The following AKAP6 variants were observed in gnomAD, a reference collection of about 807,000 sequenced individuals.
AKAP6 encodes A-kinase anchor protein 6.
In AKAP6, 58 loss-of-function variants were observed where a neutral mutation model predicts 188.5. That is an observed-to-expected ratio of 0.31 (90% confidence interval 0.25 to 0.38). The LOEUF (loss-of-function observed/expected upper bound fraction) is 0.38, where lower values mean the gene tolerates loss of function less well. Ranked by LOEUF, AKAP6 falls within the 10% of genes least tolerant of loss-of-function variation. The probability of loss-of-function intolerance (pLI) is 1.00; values close to 1 mark genes in which losing one functional copy is unlikely to be tolerated. For missense variants in AKAP6, 2,710 were observed against 2,740.0 expected, an observed-to-expected ratio of 0.99 and a Z score of 0.24; for synonymous variants, 989 against 998.6, an observed-to-expected ratio of 0.99 and a Z score of 0.18.
At chr14:32,717,953 G>C (rs991906341) in intron 9 of AKAP6, among the ~76,000 whole-genome samples, 2 of 152,004 alleles carry the variant, frequency 1.3e-5, no homozygotes, top group African/African-American at 4.8e-5. Flanking sequence ...TCAAGAGTAG[G>C]GTTCTTAAGT....
chr14:32,422,671 G>A (rs951108777), intron 1 of AKAP6, among the ~76,000 whole-genome samples: 4 of 152,146 alleles, frequency 2.6e-5, no homozygotes, highest in African/African-American at 9.7e-5. Flanking sequence ...TGGTCCTTCT[G>A]TCTGGCCAGC....
At chr14:32,443,191 C>G (rs1890639731) in intron 2 of AKAP6, among the ~76,000 whole-genome samples, 1 of 151,994 alleles carries the variant, frequency 6.6e-6, no homozygotes, top group Admixed American at 6.6e-5. Flanking sequence ...GTCAGGAGTT[C>G]AAGACCAGCC....
chr14:32,579,695 T>C (rs1266795385), intron 5 of AKAP6, among the ~76,000 whole-genome samples: 3 of 152,122 alleles, frequency 2.0e-5, no homozygotes, highest in Non-Finnish European at 4.4e-5. Context: ...TCCATATGAG[T>C]CTATATTGTC....
chr14:32,756,330 G>T, intron 11 of AKAP6, among the ~76,000 whole-genome samples: 1 of 152,136 alleles, frequency 6.6e-6, no homozygotes, highest in East Asian at 1.9e-4. Context: ...GGTCTTTGGG[G>T]ATAGGCCTGG....
intron 7 of AKAP6, among the ~76,000 whole-genome samples, chr14:32,661,379 A>G (rs1888692839): frequency 6.6e-6 from 1 of 152,094 alleles, no homozygotes; most frequent in African/African-American, 2.4e-5. Flanking sequence ...AAAGGGAAGG[A>G]GTGACAAAGC....
intron 2 of AKAP6, among the ~76,000 whole-genome samples, chr14:32,517,645 G>C (rs1881591213): frequency 6.6e-6 from 1 of 152,246 alleles, no homozygotes; most frequent in Non-Finnish European, 1.5e-5. Flanking sequence ...CAAGGCTGGG[G>C]GAGGGGCGTC....
intron 2 of AKAP6, among the ~76,000 whole-genome samples, chr14:32,526,387 C>T (rs1277651765): frequency 6.6e-6 from 1 of 152,140 alleles, no homozygotes; most frequent in Non-Finnish European, 1.5e-5. Context: ...CACCTGCCAC[C>T]ATGCCCCACT....
At chr14:32,600,448 C>T (rs1289154490) in intron 6 of AKAP6, among the ~76,000 whole-genome samples, 181 bp from the exon 7 acceptor site, 1 of 152,040 alleles carries the variant, frequency 6.6e-6, no homozygotes, top group East Asian at 1.9e-4. Context: ...TGTCCTTATA[C>T]CTCATGTTAA....
At chr14:32,793,718 T>C (rs1384127240) in intron 12 of AKAP6, among the ~76,000 whole-genome samples, 1 of 150,324 alleles carries the variant, frequency 6.7e-6, no homozygotes, top group Admixed American at 6.6e-5. Context: ...AACAACAGAA[T>C]ATACAGTCTT....
At chr14:32,580,214 CTG>C (rs907889575) in intron 5 of AKAP6, among the ~76,000 whole-genome samples, 23 of 152,106 alleles carry the variant, frequency 1.5e-4, no homozygotes, top group African/African-American at 4.3e-4. Flanking sequence ...GTAAGAAACA[CTG>C]TGAAATTGCA....
At chr14:32,353,965 A>G (rs1156941005) in intron 1 of AKAP6, among the ~76,000 whole-genome samples, 4 of 152,168 alleles carry the variant, frequency 2.6e-5, no homozygotes, top group Non-Finnish European at 4.4e-5. Context: ...AAAAGGATAC[A>G]AACAAATGGA....
chr14:32,348,408 C>CTTTTTTTT (rs1235466012), intron 1 of AKAP6, among the ~76,000 whole-genome samples: 45 of 88,658 alleles, frequency 5.1e-4, no homozygotes, highest in African/African-American at 1.8e-3. Flanking sequence ...TCTTTCTTTT[C>CTTTTTTTT]TTTTGTTTCT....
At chr14:32,564,229 G>T (rs944057704) in intron 4 of AKAP6, among the ~76,000 whole-genome samples, 2 of 152,118 alleles carry the variant, frequency 1.3e-5, no homozygotes, top group Non-Finnish European at 2.9e-5. Flanking sequence ...CCATTTTAAA[G>T]AAAATATTTT....
At chr14:32,636,863 A>T (rs910614050) in intron 7 of AKAP6, among the ~76,000 whole-genome samples, 1 of 152,068 alleles carries the variant, frequency 6.6e-6, no homozygotes, top group African/African-American at 2.4e-5. Flanking sequence ...TTGTGAAGGT[A>T]CTTAAGCAGG....
At chr14:32,556,004 AT>A (rs1883670928) in intron 4 of AKAP6, among the ~76,000 whole-genome samples, 2 of 150,884 alleles carry the variant, frequency 1.3e-5, no homozygotes, top group East Asian at 3.9e-4. Context: ...GATCATGTAT[AT>A]TTTTTGAGGA....
rs897149640 is a variant in AKAP6 at position 32,832,746 on chromosome 14, T to C, written c.*2941T>C. 26 of 152,664 alleles carry C rather than the reference T, an allele frequency of 1.7e-4. No homozygotes were observed. The highest frequency in any genetic ancestry group is 6.3e-4 in the African/African-American group (26 of 41,454). 9.5% of individuals were successfully genotyped at this position (152,664 alleles called of 1,614,324 possible). A position where few individuals can be genotyped will look rare whatever the true frequency, so the allele number is the denominator to read the frequency against. On this transcript the variant is annotated 3_prime_UTR_variant, in exon 14 of 14. Coordinates refer to ENST00000280979, the MANE Select transcript of AKAP6 (RefSeq NM_004274.5). ...AAATCTGCCTAGTACCCCGCTACCC[T>C]GTTCTGTCTTATGGAGCAGCCCAGA...
chr14:32,372,637 C>T (rs1378770922), intron 1 of AKAP6, among the ~76,000 whole-genome samples: 1 of 151,010 alleles, frequency 6.6e-6, no homozygotes, highest in African/African-American at 2.4e-5. Flanking sequence ...TGGAATCAAG[C>T]ATTAAATTAT....
chr14:32,528,503 C>G (rs989046912), intron 2 of AKAP6, among the ~76,000 whole-genome samples: 2 of 152,130 alleles, frequency 1.3e-5, no homozygotes, highest in African/African-American at 2.4e-5. Context: ...GGGGGCCTAC[C>G]TCTAGGCTGT....
At chr14:32,704,539 T>C (rs1305735573) in intron 9 of AKAP6, among the ~76,000 whole-genome samples, 1 of 152,162 alleles carries the variant, frequency 6.6e-6, no homozygotes, top group Non-Finnish European at 1.5e-5. Flanking sequence ...CTCACCTACT[T>C]TTTAGTATGT....
Sources: gnomAD v4.1 joint callset for allele counts (sites outside exome capture counted in the v4.1 genomes callset) on GRCh38, gnomAD v4.1.1 for gene constraint, MANE v1.5 for transcripts, NCBI Gene and HGNC (gene_info 2026-07-23, HGNC 2026-07-21) for gene names.